NLRP14: variants seen among roughly 807,000 people sequenced by gnomAD.
NLRP14 encodes the protein NACHT, LRR and PYD domains-containing protein 14.
In NLRP14, 105 loss-of-function variants were observed where a neutral mutation model predicts 94.7. That is an observed-to-expected ratio of 1.11 (90% CI 0.95 to 1.30). The LOEUF is 1.30. NLRP14 is among the 50% of genes most tolerant of loss of function. NLRP14 has a pLI of 0.00. For missense variants in NLRP14, 1,362 were observed against 1,254.1 expected (o/e 1.09, Z -1.30); for synonymous variants, 508 against 459.9 (o/e 1.10, Z -1.34).
At chr11:7,022,839 T>C (rs192744805) in intron 1 of NLRP14, among the ~76,000 whole-genome samples, 2 of 152,298 alleles carry the variant, frequency 1.3e-5, no homozygotes, top group Admixed American at 6.5e-5. Flanking sequence ...CCTGACTGGA[T>C]TGTTATTATC....
At chr11:7,028,297 G>A (rs1296721958) in intron 1 of NLRP14, among the ~76,000 whole-genome samples, 1 of 151,984 alleles carries the variant, frequency 6.6e-6, no homozygotes, top group Non-Finnish European at 1.5e-5. Flanking sequence ...TCTTAGATTT[G>A]CCTTTGACTC....
chr11:7,069,946 A>G, intron 10 of NLRP14, among the ~76,000 whole-genome samples: 1 of 151,860 alleles, frequency 6.6e-6, no homozygotes, highest in Non-Finnish European at 1.5e-5. Flanking sequence ...CTTTTTAAAC[A>G]CTCACTACCA....
rs142095140 is a variant in NLRP14, at chr11:7,042,489, G to T, written c.463G>T (p.Ala155Ser). Residue 155 changes from alanine to serine, a missense_variant, in exon 4 of 12, where the codon GCA becomes TCA. Ala to Ser is a moderately conservative substitution (Grantham distance 99). Coordinates refer to ENST00000299481, the MANE Select transcript of NLRP14 (RefSeq NM_176822.4). ...GCCTGAAGATTTCCATCATGGAATT[G>T]CAGAGAAAGATAGAAAACTGTTGGA... ...GKPEDFHHGI[A>S]EKDRKLLEHL... 2 of 1,613,936 alleles carry T rather than the reference G, an allele frequency of 1.2e-6. No homozygotes were observed. Among genetic ancestry groups the T allele is most frequent in the African/African-American group, 2.7e-5 (2 of 74,950 alleles).
At position 7,020,748 on chromosome 11, in the gene NLRP14, G is replaced by A. The variant is rs1410724056; in HGVS notation, c.-44G>A. ...GGGCACCTCACTAGCCCTGGCACTA[G>A]CTAGCATCGCTCTAAACTCAAGGTT... On this transcript the variant is annotated 5_prime_UTR_variant, in exon 1 of 12. Transcript: ENST00000299481. The A allele has an allele frequency of 6.6e-6, 1 of 152,322 alleles. No homozygotes were observed. Among genetic ancestry groups the A allele is most frequent in the East Asian group, 1.9e-4 (1 of 5,198 alleles). 9.4% of individuals were successfully genotyped at this position (152,322 alleles called of 1,614,324 possible).
chr11:7,085,819 T>C, the NLRP14 span, among the ~76,000 whole-genome samples: 11 of 152,220 alleles, frequency 7.2e-5, no homozygotes, highest in African/African-American at 2.4e-4. Context: ...GAAAATGAAG[T>C]CTGTACATGT....
chr11:7,062,385 AT>A lies in NLRP14; in HGVS notation c.2861del (p.Leu954Ter). 6.2e-7 allele frequency: 1 copy of A among 1,613,144 alleles called. No homozygotes were observed. Among genetic ancestry groups the A allele is most frequent in the Non-Finnish European group, 8.5e-7 (1 of 1,179,334 alleles). On this transcript the variant is annotated frameshift_variant, in exon 10 of 12. Coordinates refer to ENST00000299481, the MANE Select transcript of NLRP14 (RefSeq NM_176822.4). LOFTEE classifies it high-confidence loss of function. ...NACCLDLASV[I>X]LNNPNLRSLD... ...ATGTTGTCTGGATCTGGCTTCTGTT[AT>A]TTTGAATAACCCAAACCTGAGGAGC...
chr11:7,064,658 G>C (rs1852678128), intron 10 of NLRP14, among the ~76,000 whole-genome samples: 1 of 152,042 alleles, frequency 6.6e-6, no homozygotes. Context: ...AGAGAGAAAA[G>C]CATCTTTACA....
At chr11:7,070,603 T>G in intron 11 of NLRP14, 147 bp downstream of exon 11, 1 of 629,452 alleles carries the variant, frequency 1.6e-6, no homozygotes, top group South Asian at 1.9e-5. Context: ...CATAGAACAC[T>G]GAATATTGAG....
the NLRP14 span, among the ~76,000 whole-genome samples, chr11:7,088,007 G>C: frequency 1.3e-5 from 2 of 152,112 alleles, no homozygotes; most frequent in African/African-American, 2.4e-5. Context: ...AAGACAAAGA[G>C]AAATTTACAA....
chr11:7,061,553 G>T (rs573908142), intron 9 of NLRP14, among the ~76,000 whole-genome samples: 2 of 152,134 alleles, frequency 1.3e-5, no homozygotes, highest in East Asian at 1.9e-4. Flanking sequence ...AAGTCATTAA[G>T]GTGATGCTTT....
chr11:7,090,128 C>T, the NLRP14 span: 2 of 1,612,834 alleles, frequency 1.2e-6, no homozygotes, highest in East Asian at 2.2e-5. Flanking sequence ...GCGACCGCTA[C>T]TCGAGGGGCC....
At chr11:7,068,539 T>G (rs1000783176) in intron 10 of NLRP14, among the ~76,000 whole-genome samples, 13 of 152,228 alleles carry the variant, frequency 8.5e-5, no homozygotes, top group African/African-American at 3.1e-4. Flanking sequence ...ATATTCAGTC[T>G]GTAGAATTGT....
chr11:7,038,602 T>C lies in NLRP14; in HGVS notation c.16T>C (p.Ser6Pro), dbSNP rs775713720. 3.7e-6 allele frequency: 6 copies of C among 1,613,852 alleles called. No individual in the cohort carries two copies. The East Asian group carries it at 1.3e-4, about 36-fold the overall frequency. MADSS[S>P]SSFFPDFGLL... ...TTTGGACAAGATGGCAGATTCATCA[T>C]CATCTTCTTTCTTTCCTGATTTTGG... Residue 6 changes from serine (S) to proline (P), a missense_variant, in exon 2 of 12, where the codon TCA becomes CCA. Physicochemically the swap from Ser to Pro is moderately conservative, Grantham distance 74. Coordinates refer to ENST00000299481, the MANE Select transcript of NLRP14 (RefSeq NM_176822.4).
At chr11:7,071,112 G>A in intron 11 of NLRP14, 61 bp from the exon 12 acceptor site, 1 of 1,589,472 alleles carries the variant, frequency 6.3e-7, no homozygotes, top group South Asian at 1.1e-5. Context: ...CCTTTACAGA[G>A]AAAGTGGAGG....
intron 6 of NLRP14, among the ~76,000 whole-genome samples, chr11:7,057,354 C>T (rs1471661974): frequency 1.3e-5 from 2 of 151,920 alleles, no homozygotes; most frequent in Admixed American, 1.3e-4. Context: ...TCCTTCACGC[C>T]ATATCTTCCA....
chr11:7,040,808 C>T (rs998331969), intron 3 of NLRP14, among the ~76,000 whole-genome samples: 2 of 152,088 alleles, frequency 1.3e-5, no homozygotes, highest in Non-Finnish European at 2.9e-5. Context: ...AATATAACAT[C>T]CCACTGTGAC....
chr11:7,039,717 C>G lies in NLRP14; in HGVS notation c.293C>G (p.Ser98Trp). ...CERAKEEINW[S>W]AQTIGPDDAK... is the part of the protein sequence containing the mutation. ...ATCCTATCGGAACCTGTTGCAGGGT[C>G]GGCCCAGACTATAGGACCAGATGAT... The change falls in exon 3 of 12, where the codon TCG (serine) becomes TGG (tryptophan). Residue 98 changes from serine to tryptophan, a missense_variant. Ser to Trp is a radical substitution (Grantham distance 177). Coordinates refer to ENST00000299481, the MANE Select transcript of NLRP14 (RefSeq NM_176822.4). The G allele has an allele frequency of 1.2e-6, 2 of 1,612,810 alleles. No homozygotes were observed. Among genetic ancestry groups the G allele is most frequent in the African/African-American group, 1.3e-5 (1 of 74,990 alleles).
chr11:7,041,947 A>G (rs1289040028), intron 3 of NLRP14, among the ~76,000 whole-genome samples: 2 of 151,702 alleles, frequency 1.3e-5, no homozygotes, highest in Admixed American at 1.3e-4. Context: ...TACTTGTACA[A>G]AGAAAATTAT....
At chr11:7,028,520 A>G (rs1209359937) in intron 1 of NLRP14, among the ~76,000 whole-genome samples, 1 of 152,130 alleles carries the variant, frequency 6.6e-6, no homozygotes, top group Non-Finnish European at 1.5e-5. Flanking sequence ...TAGAACCAGG[A>G]TGATTCTCTT....
Sources: gnomAD v4.1 joint callset for allele counts (sites outside exome capture counted in the v4.1 genomes callset) on GRCh38, gnomAD v4.1.1 for gene constraint, MANE v1.5 for transcripts, NCBI Gene and HGNC (gene_info 2026-07-23, HGNC 2026-07-21) for gene names.